The following SHOX variants were observed in gnomAD, a reference collection of about 807,000 sequenced individuals.
The protein encoded by SHOX is SHOX homeobox.
SHOX carries 12 observed loss-of-function variants against 29.6 expected under a neutral mutation model. That is an observed-to-expected ratio of 0.41 (90% CI 0.26 to 0.66). The LOEUF (loss-of-function observed/expected upper bound fraction) is 0.66. Ranked by LOEUF, SHOX falls within the 30% of genes least tolerant of loss-of-function variation. The pLI is 0.35. For synonymous variants in SHOX, 214 were observed against 200.6 expected, an observed-to-expected ratio of 1.07 and a Z score of -0.57; for missense variants, 499 against 437.7, an observed-to-expected ratio of 1.14 and a Z score of -1.25.
At chrX:636,970 A>ATATATATATATATATATATATATTTTT (rs1458275715) in intron 2 of SHOX, among the ~76,000 whole-genome samples, 4 of 137,340 alleles carry the variant, frequency 2.9e-5, no homozygotes, top group African/African-American at 8.3e-5. Context: ...ATATATATAT[A>ATATATATATATATATATATATATTTTT]TTTTGGCTCC....
downstream of SHOX, among the ~76,000 whole-genome samples, chrX:653,242 A>G (rs2053093486): frequency 6.6e-6 from 1 of 152,162 alleles, no homozygotes; most frequent in Non-Finnish European, 1.5e-5. Context: ...CGCTGTCTCA[A>G]AAAAATGAAT....
chrX:642,064 G>T (rs1342576462), intron 4 of SHOX, among the ~76,000 whole-genome samples: 1 of 152,200 alleles, frequency 6.6e-6, no homozygotes, highest in Admixed American at 6.5e-5. Flanking sequence ...GTCGGGGTTC[G>T]GTCGCGGAGC....
At chrX:634,434 C>T (rs955449055) in intron 1 of SHOX, among the ~76,000 whole-genome samples, 184 bp from the exon 2 acceptor site, 1 of 152,224 alleles carries the variant, frequency 6.6e-6, no homozygotes, top group Non-Finnish European at 1.5e-5. Context: ...CGTGCAAAGC[C>T]CAGGTTTTTG....
rs914588034 is a variant in SHOX, at chrX:624,938, T to C, written c.-433+336T>C. On this transcript the variant is annotated intron_variant, in intron 1 of 5. Coordinates refer to the SHOX transcript ENST00000334060. ...TCTTTCTTTCTTTCTTTCTTTTCTT[T>C]CTTTCACTTGGCAAGATTGCTTTTG... 2.9e-3 allele frequency among the ~76,000 whole-genome samples: 410 copies of C among 141,084 alleles called. 4 individuals are homozygous for C. Among genetic ancestry groups the C allele is most frequent in the African/African-American group, 0.01 (378 of 36,514 alleles). The allele number at this position is 141,084 out of a possible 152,430, so 92.6% of individuals were successfully genotyped here.
At chrX:651,737 C>A (rs936069765), downstream of SHOX, among the ~76,000 whole-genome samples, 10 of 151,182 alleles carry the variant, frequency 6.6e-5, no homozygotes, top group African/African-American at 1.9e-4. Flanking sequence ...CCCAGTGTTG[C>A]CCCCCAGCCT....
At chrX:631,357 G>A (rs980712608) in intron 1 of SHOX, 183 bp downstream of exon 1, 8 of 328,342 alleles carry the variant, frequency 2.4e-5, no homozygotes, top group Non-Finnish European at 3.1e-5. Context: ...CCCGACCGGA[G>A]ACGCGGGTGG....
intron 4 of SHOX, among the ~76,000 whole-genome samples, chrX:643,583 TCCCG>T (rs2052904647): frequency 1.7e-5 from 2 of 117,618 alleles, no homozygotes; most frequent in East Asian, 2.7e-4. Flanking sequence ...GGACCTGGTG[TCCCG>T]GGAGAGGCTT....
chrX:626,798 T>C (rs1322750467), upstream of SHOX, among the ~76,000 whole-genome samples: 1 of 148,762 alleles, frequency 6.7e-6, no homozygotes, highest in Non-Finnish European at 1.5e-5. Context: ...TCTGTATCTC[T>C]ATCTCTGTCT....
At position 630,848 on chromosome X, in the gene SHOX, A is replaced by G. The variant is rs2052634199; in HGVS notation, c.-50A>G. 1 of 1,606,708 alleles carries G rather than the reference A, an allele frequency of 6.2e-7. No individual in the cohort carries two copies. Among genetic ancestry groups the G allele is most frequent in the South Asian group, 1.1e-5 (1 of 90,880 alleles). On this transcript the variant is annotated 5_prime_UTR_variant, in exon 1 of 5. Transcript: ENST00000686671. ...CACGGGCCGTCCTCTCCGCGCGGGG[A>G]GACGCGCGCATCCACCAGCCCCGGC... is the stretch of plus-strand genomic sequence containing the variant.
intron 1 of SHOX, chrX:624,617 G>C (rs1194491381): frequency 6.6e-6 from 1 of 151,938 alleles, no homozygotes; most frequent in Non-Finnish European, 1.5e-5. Flanking sequence ...GCTCGGTTTT[G>C]GAACTTTCCT....
chrX:632,113 A>G (rs1278345813), intron 1 of SHOX: 1 of 409,268 alleles, frequency 2.4e-6, no homozygotes, highest in Non-Finnish European at 5.0e-6. Flanking sequence ...GGTCCATAAA[A>G]ACCACTCCCG....
rs938652521 is a variant in SHOX at position 650,338 on chromosome X, C to G, written c.*5702C>G. On this transcript the variant is annotated 3_prime_UTR_variant, in exon 5 of 5. Transcript: ENST00000686671. The stretch of plus-strand genomic sequence containing the variant: ...CGTAGGAATGGCCTCTCCATCCCGC[C>G]AAAGTCCAGCCAGGCCCCCGAAATG... Among the ~76,000 whole-genome samples, 55 of 137,582 alleles carry G rather than the reference C, an allele frequency of 4.0e-4. No individual in the cohort carries two copies. Among genetic ancestry groups the G allele is most frequent in the Non-Finnish European group, 7.5e-4 (47 of 62,820 alleles). 90.3% of individuals were successfully genotyped at this position (137,582 alleles called of 152,430 possible).
rs1203280463 is a variant in SHOX at position 651,160 on chromosome X, A to C, written c.*6524A>C. 2 of 396,906 alleles carry C rather than the reference A, an allele frequency of 5.0e-6. No homozygotes were observed. The highest frequency in any genetic ancestry group is 2.1e-5 in the African/African-American group (1 of 47,434). 24.6% of individuals were successfully genotyped at this position (396,906 alleles called of 1,614,324 possible). ...AATATGTACTATTTTAATTATGTCG[A>C]GTGTAAATTTGACATCGCGTTGCAT... On this transcript the variant is annotated 3_prime_UTR_variant, in exon 5 of 5. Transcript: ENST00000686671.
chrX:631,851 A>C, intron 1 of SHOX: 1 of 454,902 alleles, frequency 2.2e-6, no homozygotes, highest in Non-Finnish European at 4.4e-6. Flanking sequence ...ACGGCTTAGG[A>C]TGTGTGTTTC....
chrX:640,797 C>T, intron 2 of SHOX, 24 bp from the exon 3 acceptor site: 2 of 1,613,836 alleles, frequency 1.2e-6, no homozygotes, highest in South Asian at 1.1e-5. Context: ...GGGCTCTTCA[C>T]ATCTCTCTCT....
downstream of SHOX, among the ~76,000 whole-genome samples, chrX:655,557 ACT>A (rs1327010126): frequency 3.7e-5 from 4 of 107,992 alleles, no homozygotes; most frequent in Non-Finnish European, 3.7e-5. Context: ...AGCAAAAAGG[ACT>A]CTCTCTCTGT....
intron 1 of SHOX, among the ~76,000 whole-genome samples, chrX:632,801 G>C (rs2052674197): frequency 6.6e-6 from 1 of 152,208 alleles, no homozygotes; most frequent in South Asian, 2.1e-4. Flanking sequence ...CATACACAGA[G>C]AGTTGGCCTT....
rs762820252 is a variant in SHOX, at chrX:634,652, G to T, written c.312G>T (p.Val104=). ...IYECKEKRED[V]KSEDEDGQTK... ...AATGCAAAGAGAAGCGCGAGGACGTGAAGTCGGAGGACGAGGACGGGCAGA... is the reference window on the plus strand; with the variant it reads ...AATGCAAAGAGAAGCGCGAGGACGTTAAGTCGGAGGACGAGGACGGGCAGA... Residue 104 remains valine, a synonymous_variant, in exon 2 of 5, where the codon GTG becomes GTT. Coordinates refer to ENST00000686671, the MANE Select transcript of SHOX (RefSeq NM_000451.4). 3.1e-6 allele frequency: 5 copies of T among 1,613,790 alleles called. No individual in the cohort carries two copies. Among genetic ancestry groups the T allele is most frequent in the Non-Finnish European group, 4.2e-6 (5 of 1,179,888 alleles).
chrX:630,840 G>T lies in SHOX; in HGVS notation c.-58G>T, dbSNP rs2052633973. 5 of 1,605,838 alleles carry T rather than the reference G, an allele frequency of 3.1e-6. No individual in the cohort carries two copies. Among genetic ancestry groups the T allele is most frequent in the Admixed American group, 1.7e-5 (1 of 59,754 alleles). ...CCCGCGCGCACGGGCCGTCCTCTCC[G>T]CGCGGGGAGACGCGCGCATCCACCA... On this transcript the variant is annotated 5_prime_UTR_variant, in exon 1 of 5. Coordinates refer to ENST00000686671, the MANE Select transcript of SHOX (RefSeq NM_000451.4).
Sources: gnomAD v4.1 joint callset for allele counts (sites outside exome capture counted in the v4.1 genomes callset) on GRCh38, gnomAD v4.1.1 for gene constraint, MANE v1.5 for transcripts, NCBI Gene and HGNC (gene_info 2026-07-23, HGNC 2026-07-21) for gene names.